The following SRGAP2C variants were observed in gnomAD, a reference collection of about 807,000 sequenced individuals.
The protein encoded by SRGAP2C is SLIT-ROBO Rho GTPase activating protein 2C.
SRGAP2C carries 15 observed loss-of-function variants against 25.1 expected under a neutral mutation model. That is an observed-to-expected ratio of 0.60 (90% CI 0.40 to 0.92). The LOEUF is 0.92. SRGAP2C is among the 40% of genes least tolerant of loss of function. The probability of loss-of-function intolerance (pLI) is 0.00; values close to 1 mark genes in which losing one functional copy is unlikely to be tolerated. For synonymous variants in SRGAP2C, 44 were observed against 96.6 expected (o/e 0.46, Z 3.19); for missense variants, 144 against 264.4 (o/e 0.54, Z 3.16).
chr1:121,355,514 G>T (rs1553347437), intron 4 of SRGAP2C, among the ~76,000 whole-genome samples: 2 of 112,288 alleles, frequency 1.8e-5, no homozygotes. Flanking sequence ...GTAGAGACGG[G>T]GTTTCACCTT....
chr1:121,370,398 A>G (rs1659448833), intron 5 of SRGAP2C, among the ~76,000 whole-genome samples: 1 of 144,100 alleles, frequency 6.9e-6, no homozygotes, highest in South Asian at 2.2e-4. Flanking sequence ...TTCCACTACA[A>G]TGGGAGAGGG....
chr1:121,308,315 C>T (rs1302662031), intron 3 of SRGAP2C, among the ~76,000 whole-genome samples: 1 of 149,498 alleles, frequency 6.7e-6, no homozygotes, highest in Non-Finnish European at 1.5e-5. Flanking sequence ...TCTAGACCAT[C>T]TTGAAAGTCC....
chr1:121,362,608 A>G (rs1214250439), intron 4 of SRGAP2C: 2 of 151,982 alleles, frequency 1.3e-5, no homozygotes, highest in Non-Finnish European at 2.9e-5. Flanking sequence ...TTCAAACATA[A>G]GGAGGAGTTA....
At chr1:121,332,555 G>C (rs1229269036) in intron 4 of SRGAP2C, among the ~76,000 whole-genome samples, 2 of 152,118 alleles carry the variant, frequency 1.3e-5, no homozygotes, top group Non-Finnish European at 1.5e-5. Context: ...CCAGGGTCTT[G>C]GAGATGTTAA....
chr1:121,239,282 C>CACTATATATATATATATACTA (rs1332097862), intron 2 of SRGAP2C, among the ~76,000 whole-genome samples: 1 of 1,722 alleles, frequency 5.8e-4, no homozygotes, highest in Non-Finnish European at 8.1e-4. Flanking sequence ...TATATATATA[C>CACTATATATATATATATACTA]TATATATATA....
chr1:121,314,521 GT>G (rs1658049461), intron 3 of SRGAP2C, among the ~76,000 whole-genome samples: 1 of 152,068 alleles, frequency 6.6e-6, no homozygotes, highest in Admixed American at 6.6e-5. Flanking sequence ...AGAGTTTCCA[GT>G]TTTTCTGTTC....
chr1:121,250,798 A>G lies in SRGAP2C; in HGVS notation c.68-34005A>G, dbSNP rs1276735766. ...ATCTATGGTGATAGTAATCCATATC[A>G]TGGTCACCCTTATGGAAGGGTAATG... On this transcript the variant is annotated intron_variant, in intron 2 of 9. Transcript: ENST00000367123. Among the ~76,000 whole-genome samples the G allele has an allele frequency of 3.1e-4, 37 of 117,720 alleles. 8 individuals carry two copies. The highest frequency in any genetic ancestry group is 7.0e-4 in the Admixed American group (8 of 11,446). The allele number at this position is 117,720 out of a possible 152,430, so 77.2% of individuals were successfully genotyped here.
chr1:121,354,321 TCTTTCTTTTCTTTCTCTCTCTC>T (rs1400540985), intron 4 of SRGAP2C, among the ~76,000 whole-genome samples: 1 of 65,028 alleles, frequency 1.5e-5, no homozygotes, highest in Non-Finnish European at 2.9e-5. Context: ...TTTCTTTCTT[TCTTTCTTTTCTTTCTCTCTCTC>T]TCTTTCTCTC....
Position 121,195,415 on chromosome 1 carries a change from C to CA in SRGAP2C, c.67+7908dup, listed in dbSNP as rs1208041636. On this transcript the variant is annotated intron_variant, in intron 2 of 9. Transcript: ENST00000367123. ...ACAGAGCAAGCCTCCATCTCAAAAACAAAAAACAAGCAAACGAAAAAATAG... is the reference window on the plus strand; with the variant it reads ...ACAGAGCAAGCCTCCATCTCAAAAACAAAAAAACAAGCAAACGAAAAAATAG... Among the ~76,000 whole-genome samples, 392 of 150,482 alleles carry CA rather than the reference C, an allele frequency of 2.6e-3. 6 individuals are homozygous for CA. Among genetic ancestry groups the CA allele is most frequent in the African/African-American group, 9.1e-3 (372 of 40,896 alleles).
At position 121,391,599 on chromosome 1, in the gene SRGAP2C, C is replaced by A. The variant is rs1158444950; in HGVS notation, c.*3744C>A. ...ATTTGTTAAGGAAACAAAAAGACTT[C>A]GGTGACCACACCTTATAAACCAAAC... On this transcript the variant is annotated 3_prime_UTR_variant, in exon 10 of 10. Transcript: ENST00000367123. The A allele has an allele frequency of 6.6e-6, 1 of 152,302 alleles. No individual in the cohort carries two copies. Among genetic ancestry groups the A allele is most frequent in the African/African-American group, 2.4e-5 (1 of 41,486 alleles). The allele number at this position is 152,302 out of a possible 1,614,324, so 9.4% of individuals were successfully genotyped here.
chr1:121,212,448 G>A (rs1353203191), intron 2 of SRGAP2C, among the ~76,000 whole-genome samples: 1 of 152,054 alleles, frequency 6.6e-6, no homozygotes. Flanking sequence ...TATTCTTAAT[G>A]TATGGACTTA....
intron 5 of SRGAP2C, among the ~76,000 whole-genome samples, chr1:121,370,541 A>C (rs1197577066): frequency 2.2e-5 from 3 of 138,494 alleles, no homozygotes; most frequent in Non-Finnish European, 4.6e-5. Flanking sequence ...TCCCAGGTTC[A>C]TGCCATTCTC....
rs1397344796 is a variant in SRGAP2C, at chr1:121,294,493, A to G, written c.260+9498A>G. Among the ~76,000 whole-genome samples the G allele has an allele frequency of 2.1e-5, 3 of 142,390 alleles. No individual in the cohort carries two copies. In the East Asian group the frequency reaches 6.5e-4, roughly 31 times the overall value. The allele number at this position is 142,390 out of a possible 152,430, so 93.4% of individuals were successfully genotyped here. On this transcript the variant is annotated intron_variant, in intron 3 of 9. Transcript: ENST00000367123. ...TTCTTTGGCTCCTTGAAGAGCATAA[A>G]TGTATTCCTATTTGTTGCTGAGCCT...
At chr1:121,235,026 C>CTTTTT (rs587610530) in intron 2 of SRGAP2C, among the ~76,000 whole-genome samples, 1 of 138,000 alleles carries the variant, frequency 7.2e-6, no homozygotes, top group Non-Finnish European at 1.5e-5. Context: ...TTCTTTCTTT[C>CTTTTT]TTTTTTTTTT....
At position 121,208,241 on chromosome 1, in the gene SRGAP2C, G is replaced by A. The variant is rs587679598; in HGVS notation, c.67+20728G>A. On this transcript the variant is annotated intron_variant, in intron 2 of 9. Coordinates refer to ENST00000367123, the MANE Select transcript of SRGAP2C (RefSeq NM_001329984.2). The stretch of plus-strand genomic sequence containing the variant: ...CTTGACCTATATAACACTGGCTCAA[G>A]TATGTTTGTTAAAGTGAATCACCTG... 2.4e-4 allele frequency among the ~76,000 whole-genome samples: 37 copies of A among 152,282 alleles called. 1 individual carries two copies. The highest frequency in any genetic ancestry group is 2.3e-3 in the South Asian group (11 of 4,826).
Position 121,372,883 on chromosome 1 carries a change from A to G in SRGAP2C, c.487-1088A>G, listed in dbSNP as rs1206385013. On this transcript the variant is annotated intron_variant, in intron 5 of 9. Coordinates refer to ENST00000367123, the MANE Select transcript of SRGAP2C (RefSeq NM_001329984.2). ...TCCTGTGTTACACACACACATGCACACACACACACACACACACACACATGC... is the reference window on the plus strand; with the variant it reads ...TCCTGTGTTACACACACACATGCACGCACACACACACACACACACACATGC... Among the ~76,000 whole-genome samples the G allele has an allele frequency of 3.2e-4, 20 of 63,076 alleles. 6 individuals are homozygous for G. Among genetic ancestry groups the G allele is most frequent in the Admixed American group, 2.2e-3 (15 of 6,900 alleles). The allele number at this position is 63,076 out of a possible 152,430, so 41.4% of individuals were successfully genotyped here.
chr1:121,233,218 C>T (rs1372051084), intron 2 of SRGAP2C, among the ~76,000 whole-genome samples: 1 of 101,528 alleles, frequency 9.8e-6, no homozygotes, highest in Non-Finnish European at 2.0e-5. Flanking sequence ...GCGATCTTGG[C>T]TCATTGCAGC....
At chr1:121,358,648 C>A in intron 4 of SRGAP2C, among the ~76,000 whole-genome samples, 1 of 143,954 alleles carries the variant, frequency 6.9e-6, no homozygotes, top group Non-Finnish European at 1.5e-5. Flanking sequence ...AATGTGACTG[C>A]TTTGGGAGTC....
rs1224045936 is a variant in SRGAP2C at position 121,264,761 on chromosome 1, A to G, written c.68-20042A>G. On this transcript the variant is annotated intron_variant, in intron 2 of 9. Coordinates refer to ENST00000367123, the MANE Select transcript of SRGAP2C (RefSeq NM_001329984.2). ...TTTTCCCCGATAATGGGCTTTTTAC[A>G]TTGCAATTACTTCTTATGGTAGTCT... is the stretch of plus-strand genomic sequence containing the variant. Among the ~76,000 whole-genome samples, 9 of 144,428 alleles carry G rather than the reference A, an allele frequency of 6.2e-5. 1 individual carries two copies. The highest frequency in any genetic ancestry group is 1.4e-4 in the Non-Finnish European group (9 of 65,386). 94.8% of individuals were successfully genotyped at this position (144,428 alleles called of 152,430 possible). A position where few individuals can be genotyped will look rare whatever the true frequency, so the allele number is the denominator to read the frequency against.
Sources: allele counts gnomAD v4.1 joint callset (sites outside exome capture counted in the v4.1 genomes callset), GRCh38; gene constraint gnomAD v4.1.1; transcripts MANE v1.5; gene names NCBI Gene and HGNC (gene_info 2026-07-23, HGNC 2026-07-21).